The following MAPK10 variants were observed in gnomAD, a reference collection of about 807,000 sequenced individuals.
MAPK10 encodes the protein mitogen-activated protein kinase 10.
MAPK10 carries 25 observed loss-of-function variants against 59.3 expected under a neutral mutation model. The observed-to-expected ratio is 0.42, with a 90% confidence interval of 0.31 to 0.59. The LOEUF (loss-of-function observed/expected upper bound fraction) is 0.59, where lower values mean the gene tolerates loss of function less well. MAPK10 is among the 20% of genes least tolerant of loss of function. The pLI is 0.15. For synonymous variants in MAPK10, 190 were observed against 200.5 expected (o/e 0.95, Z 0.44); for missense variants, 351 against 568.9 (o/e 0.62, Z 3.90).
upstream of MAPK10, among the ~76,000 whole-genome samples, chr4:86,364,470 T>C (rs1737508619): frequency 6.6e-6 from 1 of 152,210 alleles, no homozygotes; most frequent in Admixed American, 6.5e-5. Context: ...ATGTTGATTC[T>C]TGGTATTAGT....
intron 2 of MAPK10, among the ~76,000 whole-genome samples, chr4:86,285,679 A>C (rs2094978763): frequency 6.6e-6 from 1 of 152,196 alleles, no homozygotes; most frequent in Non-Finnish European, 1.5e-5. Flanking sequence ...TCTCCAGAGA[A>C]ACAGAATCAA....
chr4:86,106,386 T>C (rs2056532649), intron 5 of MAPK10, among the ~76,000 whole-genome samples: 1 of 150,948 alleles, frequency 6.6e-6, no homozygotes, highest in Non-Finnish European at 1.5e-5. Flanking sequence ...AATGAAGTTA[T>C]CTTTTGATTT....
At chr4:86,561,717 A>T (rs989436110) in intron 1 of MAPK10, among the ~76,000 whole-genome samples, 1 of 152,210 alleles carries the variant, frequency 6.6e-6, no homozygotes, top group African/African-American at 2.4e-5. Context: ...GAAACAGATA[A>T]TTAAGGAGGT....
In MAPK10 at chr4:86,140,128, C is replaced by T. The variant is rs1417703110; in HGVS notation, c.236+19170G>A. Among the ~76,000 whole-genome samples, 47 of 131,724 alleles carry T rather than the reference C, an allele frequency of 3.6e-4. 1 individual carries two copies. The South Asian group carries it at 4.0e-3, about 11-fold the overall frequency. 86.4% of individuals were successfully genotyped at this position (131,724 alleles called of 152,430 possible). On this transcript the variant is annotated intron_variant, in intron 4 of 13. Coordinates refer to ENST00000641462, the MANE Select transcript of MAPK10 (RefSeq NM_138982.4). ...GCCATTGTGGAAGTCAGTGTGGCGA[C>T]TCCTCAGGGATCTAGAACTAGAAAT...
At chr4:86,056,992 C>T (rs1683355629) in intron 11 of MAPK10, among the ~76,000 whole-genome samples, 1 of 148,196 alleles carries the variant, frequency 6.7e-6, no homozygotes, top group Admixed American at 6.7e-5. Context: ...TTAAGACGGT[C>T]TCACTCTGTC....
intron 4 of MAPK10, among the ~76,000 whole-genome samples, chr4:86,118,958 C>A (rs967392997): frequency 1.3e-5 from 2 of 152,218 alleles, no homozygotes; most frequent in Non-Finnish European, 2.9e-5. Context: ...CTTGCATCCT[C>A]ACTTGGCTAA....
chr4:86,360,182 A>C, upstream of MAPK10: 19 of 986,064 alleles, frequency 1.9e-5, no homozygotes, highest in Non-Finnish European at 2.3e-5. Context: ...AGAAAGAGGA[A>C]GCGTCTATGT....
intron 11 of MAPK10, among the ~76,000 whole-genome samples, chr4:86,052,376 T>A (rs1431494952): frequency 6.6e-6 from 1 of 152,126 alleles, no homozygotes; most frequent in Non-Finnish European, 1.5e-5. Flanking sequence ...GACTCATGAT[T>A]TTCAAAATTT....
intron 2 of MAPK10, among the ~76,000 whole-genome samples, chr4:86,343,362 T>C (rs1161995435): frequency 6.6e-5 from 10 of 152,222 alleles, no homozygotes; most frequent in Non-Finnish European, 1.0e-4. Context: ...AGTCAGGTTC[T>C]ATGTCAGATT....
chr4:86,012,926 G>A lies in MAPK10; in HGVS notation c.*4302C>T, dbSNP rs1741812896. The A allele has an allele frequency of 2.0e-5, 3 of 152,126 alleles. No individual in the cohort carries two copies. Among genetic ancestry groups the A allele is most frequent in the Admixed American group, 6.5e-5 (1 of 15,268 alleles). 9.4% of individuals were successfully genotyped at this position (152,126 alleles called of 1,614,324 possible). A position where few individuals can be genotyped will look rare whatever the true frequency, so the allele number is the denominator to read the frequency against. On this transcript the variant is annotated 3_prime_UTR_variant, in exon 14 of 14. Transcript: ENST00000641462. ...TTCTCATCATTGGTAATAGTCTTTG[G>A]AGTCCAATCATGCAGAAAAACAGGC... is the stretch of plus-strand genomic sequence containing the variant.
At chr4:86,129,593 T>C (rs748506521) in intron 4 of MAPK10, among the ~76,000 whole-genome samples, 14 of 152,158 alleles carry the variant, frequency 9.2e-5, no homozygotes, top group Non-Finnish European at 2.1e-4. Context: ...CTTTGCACAA[T>C]TACCTAAAAA....
In MAPK10 at chr4:86,011,870, A is replaced by ACTC. The variant is rs1741467892; in HGVS notation, c.*5355_*5357dup. On this transcript the variant is annotated 3_prime_UTR_variant, in exon 14 of 14. Coordinates refer to ENST00000641462, the MANE Select transcript of MAPK10 (RefSeq NM_138982.4). ...CATTATTTACAGAAATAGAAGAGCC[A>ACTC]CTCCTCAACTGTTCAAACACTGCAA... 1 of 152,184 alleles carries ACTC rather than the reference A, an allele frequency of 6.6e-6. No individual in the cohort carries two copies. The highest frequency in any genetic ancestry group is 1.5e-5 in the Non-Finnish European group (1 of 68,028). 9.4% of individuals were successfully genotyped at this position (152,184 alleles called of 1,614,324 possible). A position where few individuals can be genotyped will look rare whatever the true frequency, so the allele number is the denominator to read the frequency against.
chr4:86,281,466 C>A (rs570395805), intron 2 of MAPK10, among the ~76,000 whole-genome samples: 2 of 151,684 alleles, frequency 1.3e-5, no homozygotes, highest in South Asian at 4.2e-4. Flanking sequence ...ACGTTCACTG[C>A]ACTCTAGACT....
At chr4:86,030,629 G>C (rs1287257535) in intron 12 of MAPK10, among the ~76,000 whole-genome samples, 1 of 151,996 alleles carries the variant, frequency 6.6e-6, no homozygotes, top group Non-Finnish European at 1.5e-5. Context: ...CATCGCTCCT[G>C]GCCCTGTTTA....
chr4:86,239,694 A>G (rs1353439386), intron 2 of MAPK10, among the ~76,000 whole-genome samples: 1 of 150,726 alleles, frequency 6.6e-6, no homozygotes, highest in Non-Finnish European at 1.5e-5. Context: ...CAGTGGCGAT[A>G]TCCTCTTTAT....
intron 1 of MAPK10, among the ~76,000 whole-genome samples, chr4:86,391,040 G>A (rs542535391): frequency 9.7e-4 from 148 of 152,206 alleles, no homozygotes; most frequent in Non-Finnish European, 1.5e-3. Flanking sequence ...TATTGTTTAG[G>A]AAAGATCCTT....
intron 9 of MAPK10, among the ~76,000 whole-genome samples, chr4:86,075,982 C>T (rs187493871): frequency 5.2e-4 from 79 of 151,716 alleles, no homozygotes; most frequent in African/African-American, 1.8e-3. Flanking sequence ...GGCGGGCGCC[C>T]CTCCCCCAGC....
At chr4:86,398,781 C>T (rs1238179416) in intron 1 of MAPK10, among the ~76,000 whole-genome samples, 1 of 152,054 alleles carries the variant, frequency 6.6e-6, no homozygotes, top group Non-Finnish European at 1.5e-5. Context: ...ACAGTAGTCC[C>T]CAGTGTCTAT....
intron 1 of MAPK10, among the ~76,000 whole-genome samples, chr4:86,431,067 A>G (rs1747977898): frequency 1.3e-5 from 2 of 152,148 alleles, no homozygotes; most frequent in African/African-American, 4.8e-5. Context: ...GGAGCAAGAA[A>G]GAGAAGGAGA....
Sources: allele counts gnomAD v4.1 joint callset (sites outside exome capture counted in the v4.1 genomes callset), GRCh38; gene constraint gnomAD v4.1.1; transcripts MANE v1.5; gene names NCBI Gene and HGNC (gene_info 2026-07-23, HGNC 2026-07-21).